Variants in HIPK1 observed in about 807,000 individuals in gnomAD.
The protein encoded by HIPK1 is homeodomain interacting protein kinase 1, also known as homeodomain-interacting protein kinase 1.
HIPK1 carries 28 observed loss-of-function variants against 117.1 expected under a neutral mutation model. The observed-to-expected ratio is 0.24, with a 90% CI of 0.18 to 0.33. HIPK1 has a LOEUF of 0.33. Ranked by LOEUF, HIPK1 falls within the 10% of genes least tolerant of loss-of-function variation. The pLI, the probability that HIPK1 is intolerant of heterozygous loss-of-function variation, is 1.00. For synonymous variants in HIPK1, 605 were observed against 562.5 expected, an observed-to-expected ratio of 1.08 and a Z score of -1.07; for missense variants, 1,122 against 1,475.1, an observed-to-expected ratio of 0.76 and a Z score of 3.92.
chr1:113,952,510 G>A (rs1397199190), intron 2 of HIPK1, among the ~76,000 whole-genome samples: 1 of 152,112 alleles, frequency 6.6e-6, no homozygotes, highest in Non-Finnish European at 1.5e-5. Flanking sequence ...ATAGTGCACT[G>A]CCCTGAACTC....
intron 2 of HIPK1, among the ~76,000 whole-genome samples, chr1:113,950,361 G>A (rs1671268335): frequency 6.6e-6 from 1 of 152,100 alleles, no homozygotes; most frequent in African/African-American, 2.4e-5. Flanking sequence ...TGTAACATGA[G>A]GAATCTGAAT....
intron 8 of HIPK1, among the ~76,000 whole-genome samples, chr1:113,960,109 A>T: frequency 6.6e-6 from 1 of 152,166 alleles, no homozygotes; most frequent in Non-Finnish European, 1.5e-5. Flanking sequence ...CAATGGTCTT[A>T]TTCCAGGTTG....
intron 15 of HIPK1, 175 bp downstream of exon 15, chr1:113,972,129 T>A: frequency 6.5e-7 from 1 of 1,536,948 alleles, no homozygotes; most frequent in East Asian, 2.4e-5. Context: ...TCATTCACTC[T>A]GTAAGTGTGT....
Position 113,940,469 on chromosome 1 carries a change from C to T in HIPK1, c.86C>T (p.Ser29Phe), listed in dbSNP as rs781403555. ...CSAKKLKIEP[S>F]GWDVSGQSSN... is the part of the protein sequence containing the mutation. ...GCGAAGAAACTGAAAATAGAGCCCT[C>T]TGGCTGGGATGTTTCAGGACAGAGT... Residue 29 changes from serine (S) to phenylalanine (F), a missense_variant, in exon 2 of 16, where the codon TCT becomes TTT. This residue lies in a region of HIPK1 where 192 missense variants were observed against 234.0 expected (regional missense o/e 0.82). Coordinates refer to ENST00000426820, the MANE Select transcript of HIPK1 (RefSeq NM_198268.3). 6.2e-7 allele frequency: 1 copy of T among 1,614,182 alleles called. No homozygotes were observed. Among genetic ancestry groups the T allele is most frequent in the Non-Finnish European group, 8.5e-7 (1 of 1,180,036 alleles).
At chr1:113,936,975 C>G (rs1229421915) in intron 1 of HIPK1, among the ~76,000 whole-genome samples, 1 of 152,098 alleles carries the variant, frequency 6.6e-6, no homozygotes, top group Non-Finnish European at 1.5e-5. Flanking sequence ...AACAGGTTGG[C>G]TTAATTTTAT....
In HIPK1 at chr1:113,941,277, G is replaced by C; in HGVS notation, c.894G>C (p.Gln298His). 6.2e-7 allele frequency: 1 copy of C among 1,614,224 alleles called. No homozygotes were observed. Among genetic ancestry groups the C allele is most frequent in the Non-Finnish European group, 8.5e-7 (1 of 1,180,034 alleles). The change falls in exon 2 of 16, where the codon CAG becomes CAC. Residue 298 changes from glutamine to histidine, a missense_variant. By Grantham distance (24) the Gln-to-His change is conservative. Around this residue, in one of 6 missense-constraint regions of HIPK1, gnomAD observed 62 missense variants for 121.5 expected, o/e 0.51. Coordinates refer to ENST00000426820, the MANE Select transcript of HIPK1 (RefSeq NM_198268.3). The surrounding 1 kb of genome is among the most constrained non-coding windows in gnomAD (Gnocchi z 4.9). Reference sequence around the variant, plus strand: ...AGTACATCAGACCAATCTTGCAGCAGGTGGCCACAGCCTTGATGAAGCTCA... The same window carrying C: ...AGTACATCAGACCAATCTTGCAGCACGTGGCCACAGCCTTGATGAAGCTCA... Reference protein sequence around the residue: ...PLKYIRPILQQVATALMKLKS... With the variant: ...PLKYIRPILQHVATALMKLKS...
intron 1 of HIPK1, 25 bp downstream of exon 1, chr1:113,929,557 T>G: frequency 4.7e-6 from 6 of 1,277,922 alleles, no homozygotes; most frequent in Non-Finnish European, 6.1e-6. Context: ...GCGGGGCGGG[T>G]GAATAGTTCC....
At chr1:113,950,418 A>G (rs1671272090) in intron 2 of HIPK1, among the ~76,000 whole-genome samples, 2 of 152,206 alleles carry the variant, frequency 1.3e-5, no homozygotes, top group South Asian at 4.1e-4. Flanking sequence ...TTATAATTCC[A>G]TGACTTGTAA....
intron 2 of HIPK1, among the ~76,000 whole-genome samples, chr1:113,948,681 G>T (rs1262794835): frequency 6.6e-6 from 1 of 150,414 alleles, no homozygotes; most frequent in African/African-American, 2.4e-5. Flanking sequence ...AGCTGCTTTT[G>T]TCACTCCAAA....
At chr1:113,954,520 A>G in intron 3 of HIPK1, 131 bp from the exon 4 acceptor site, 1 of 880,200 alleles carries the variant, frequency 1.1e-6, no homozygotes, top group East Asian at 2.6e-5. Context: ...GTATTTACAG[A>G]TAAATTTCAG....
At position 113,972,804 on chromosome 1, in the gene HIPK1, C is replaced by G. The variant is rs983147553; in HGVS notation, c.3145-220C>G. Among the ~76,000 whole-genome samples, 4 of 152,162 alleles carry G rather than the reference C, an allele frequency of 2.6e-5. No homozygotes were observed. In the East Asian group the frequency reaches 7.7e-4, roughly 29 times the overall value. Reference sequence around the variant, plus strand: ...ATTCTCCCTCTTCCTGTCATACTTACAAGCAAAATGCTGTTACCTGAGCCA... The same window carrying G: ...ATTCTCCCTCTTCCTGTCATACTTAGAAGCAAAATGCTGTTACCTGAGCCA... On this transcript the variant is annotated intron_variant, in intron 15 of 15. Transcript: ENST00000426820.
Position 113,958,283 on chromosome 1 carries a change from C to G in HIPK1, c.1973C>G (p.Ala658Gly), listed in dbSNP as rs773191154. Residue 658 changes from alanine (A) to glycine (G), a missense_variant, in exon 8 of 16, where the codon GCG (alanine) becomes GGG (glycine). Physicochemically the swap from Ala to Gly is moderately conservative, Grantham distance 60. Transcript: ENST00000426820. ...CAGACATTTATAGTATGTCCACCTG[C>G]GTTTCAAAGTAAGTGGGGAAACTCC... ...FQQTFIVCPP[A>G]FQTGLQATTK... is the part of the protein sequence containing the mutation. The G allele has an allele frequency of 6.2e-7, 1 of 1,610,650 alleles. No homozygotes were observed. Among genetic ancestry groups the G allele is most frequent in the East Asian group, 2.2e-5 (1 of 44,874 alleles).
intron 10 of HIPK1, among the ~76,000 whole-genome samples, chr1:113,964,030 A>AGAT (rs1672297924): frequency 6.6e-6 from 1 of 152,198 alleles, no homozygotes; most frequent in Admixed American, 6.5e-5. Context: ...GAAATGCTTA[A>AGAT]GATGCTCTTA....
chr1:113,951,990 G>A (rs1671397610), intron 2 of HIPK1, among the ~76,000 whole-genome samples: 1 of 141,230 alleles, frequency 7.1e-6, no homozygotes, highest in African/African-American at 2.7e-5. Flanking sequence ...CTAGGCTGGA[G>A]TGTAGTGGTG....
chr1:113,940,488 A>G lies in HIPK1; in HGVS notation c.105A>G (p.Gly35=). The change falls in exon 2 of 16, where the codon GGA becomes GGG. Residue 35 remains glycine, a synonymous_variant. Transcript: ENST00000426820. ...AGCCCTCTGGCTGGGATGTTTCAGG[A>G]CAGAGTAGCAACGACAAATATTATA... ...KIEPSGWDVS[G]QSSNDKYYTH... 6.2e-7 allele frequency: 1 copy of G among 1,614,166 alleles called. No individual in the cohort carries two copies. The highest frequency in any genetic ancestry group is 8.5e-7 in the Non-Finnish European group (1 of 1,180,028).
intron 14 of HIPK1, among the ~76,000 whole-genome samples, chr1:113,970,722 A>T (rs1672767815): frequency 6.6e-6 from 1 of 152,138 alleles, no homozygotes; most frequent in African/African-American, 2.4e-5. Flanking sequence ...TGGTTTAGTT[A>T]TTGTGTTAGT....
chr1:113,967,977 A>C (rs979883744), intron 12 of HIPK1, 29 bp downstream of exon 12: 1 of 1,581,946 alleles, frequency 6.3e-7, no homozygotes, highest in African/African-American at 1.4e-5. Flanking sequence ...TGATAGTTAA[A>C]ACTGTGCCAG....
intron 14 of HIPK1, among the ~76,000 whole-genome samples, chr1:113,970,616 C>T (rs774341903): frequency 2.6e-5 from 4 of 152,142 alleles, no homozygotes; most frequent in Admixed American, 6.5e-5. Context: ...ATTTTTTTCT[C>T]ACCCAGTGTC....
chr1:113,957,227 A>G lies in HIPK1; in HGVS notation c.1696A>G (p.Asn566Asp). 1.9e-6 allele frequency: 3 copies of G among 1,613,954 alleles called. No individual in the cohort carries two copies. Among genetic ancestry groups the G allele is most frequent in the Non-Finnish European group, 2.5e-6 (3 of 1,179,826 alleles). ...TCCCTTCACTACACATGTTGCCCCA[A>G]ATACAAGCACAAATCTAACCATGAG... ...KSPFTTHVAP[N>D]TSTNLTMSFS... The change falls in exon 7 of 16, where the codon AAT (asparagine) becomes GAT (aspartate). Residue 566 changes from asparagine (N) to aspartate (D), a missense_variant. Physicochemically the swap from Asn to Asp is conservative, Grantham distance 23 (BLOSUM62 1). Transcript: ENST00000426820.
Sources: gnomAD v4.1 joint callset for allele counts (sites outside exome capture counted in the v4.1 genomes callset) on GRCh38, gnomAD v4.1.1 for gene constraint, gnomAD v4.1.1 regional missense constraint, Gnocchi (gnomAD v3.1) non-coding constraint, MANE v1.5 for transcripts, NCBI Gene and HGNC (gene_info 2026-07-23, HGNC 2026-07-21) for gene names.